LITAF: variants seen among roughly 807,000 people sequenced by gnomAD.
LITAF encodes the protein lipopolysaccharide induced TNF factor.
A neutral mutation model predicts 14.5 loss-of-function variants in LITAF; 9 were observed. The ratio of observed to expected loss-of-function variants is 0.62; its 90% CI spans 0.37 to 1.08. LITAF has a LOEUF of 1.08. Ranked by LOEUF, LITAF falls within the 50% of genes least tolerant of loss-of-function variation. The pLI, the probability that LITAF is intolerant of heterozygous loss-of-function variation, is 0.01. For synonymous variants in LITAF, 98 were observed against 88.2 expected (o/e 1.11, Z -0.62); for missense variants, 206 against 213.4 (o/e 0.97, Z 0.22).
intron 1 of LITAF, among the ~76,000 whole-genome samples, chr16:11,584,701 C>T (rs1242706988): frequency 1.3e-5 from 2 of 152,164 alleles, no homozygotes; most frequent in East Asian, 3.9e-4. Flanking sequence ...GTTACAAGGG[C>T]ATTAGCAAGC....
Position 11,632,283 on chromosome 16 carries a change from G to C in LITAF, c.85+1250C>G, listed in dbSNP as rs1030073184. On this transcript the variant is annotated intron_variant, in intron 3 of 3. Coordinates refer to the LITAF transcript ENST00000574848. This position sits in a 1 kb window ranked among gnomAD's most constrained non-coding sequence, Gnocchi z 4.8. The stretch of plus-strand genomic sequence containing the variant: ...TAACTACAGCTGCCGTGGGGAACAG[G>C]ATTAGGCAATCCGCTGGCCCCTCCC... Among the ~76,000 whole-genome samples, 9 of 152,128 alleles carry C rather than the reference G, an allele frequency of 5.9e-5. No homozygotes were observed. Among genetic ancestry groups the C allele is most frequent in the African/African-American group, 2.2e-4 (9 of 41,444 alleles).
chr16:11,563,159 T>A (rs2064398244), intron 1 of LITAF, among the ~76,000 whole-genome samples: 1 of 151,900 alleles, frequency 6.6e-6, no homozygotes. Context: ...ATAATAATTT[T>A]TTTTTTTGAG....
At chr16:11,566,018 T>C (rs1490370051) in intron 1 of LITAF, among the ~76,000 whole-genome samples, 1 of 152,132 alleles carries the variant, frequency 6.6e-6, no homozygotes, top group African/African-American at 2.4e-5. Context: ...ATGGGTACAC[T>C]GATAGTTTCT....
intron 1 of LITAF, among the ~76,000 whole-genome samples, chr16:11,572,932 C>CTTTTT (rs34208466): frequency 7.0e-6 from 1 of 143,222 alleles, no homozygotes; most frequent in Non-Finnish European, 1.5e-5. Context: ...ATCTCAAGCT[C>CTTTTT]TTTTTTTTTT....
At chr16:11,636,557 C>G (rs1431577194), upstream of LITAF, among the ~76,000 whole-genome samples, 1 of 152,194 alleles carries the variant, frequency 6.6e-6, no homozygotes, top group African/African-American at 2.4e-5. Flanking sequence ...CCACCCTAAT[C>G]TTTTATTATG....
In LITAF at chr16:11,559,665, A is replaced by G. The variant is rs548683868; in HGVS notation, c.-5-2930T>C. On this transcript the variant is annotated intron_variant, in intron 1 of 3. Coordinates refer to ENST00000622633, the MANE Select transcript of LITAF (RefSeq NM_001136472.2). ...AGATATATGAAGTTAAGTAAAATGTATTGTTAATTTCACCTGTTTCTTTGT... is the reference window on the plus strand; with the variant it reads ...AGATATATGAAGTTAAGTAAAATGTGTTGTTAATTTCACCTGTTTCTTTGT... Among the ~76,000 whole-genome samples the G allele has an allele frequency of 1.1e-4, 17 of 151,872 alleles. 1 individual carries two copies. The South Asian group carries it at 3.5e-3, about 32-fold the overall frequency.
chr16:11,639,863 C>T (rs1054687201), upstream of LITAF, among the ~76,000 whole-genome samples: 1 of 152,112 alleles, frequency 6.6e-6, no homozygotes, highest in African/African-American at 2.4e-5. Context: ...GGGCCTCTGC[C>T]TCCTAAGCTC....
chr16:11,576,554 A>AAAAAAAAAC (rs1555469756), intron 1 of LITAF, among the ~76,000 whole-genome samples: 36 of 116,638 alleles, frequency 3.1e-4, no homozygotes, highest in Non-Finnish European at 3.7e-4. Flanking sequence ...AAAAAAAAAA[A>AAAAAAAAAC]AGAGAGAGAG....
At chr16:11,606,840 T>G (rs1234280895) in intron 3 of LITAF, among the ~76,000 whole-genome samples, 3 of 152,170 alleles carry the variant, frequency 2.0e-5, no homozygotes, top group African/African-American at 7.2e-5. Context: ...GGTTTTGCCA[T>G]GTTGACCAGA....
chr16:11,617,619 G>C (rs932812756), intron 3 of LITAF, among the ~76,000 whole-genome samples: 8 of 151,496 alleles, frequency 5.3e-5, no homozygotes, highest in Middle Eastern at 3.4e-3. Flanking sequence ...TAGAGACGGG[G>C]TTTCACCATA....
At chr16:11,631,668 G>A (rs2065118320) in intron 3 of LITAF, among the ~76,000 whole-genome samples, 1 of 152,148 alleles carries the variant, frequency 6.6e-6, no homozygotes, top group Non-Finnish European at 1.5e-5. Context: ...GGGATTACAG[G>A]CGTGAGCCAT....
chr16:11,608,600 G>A (rs921430908), intron 3 of LITAF, among the ~76,000 whole-genome samples: 1 of 152,330 alleles, frequency 6.6e-6, no homozygotes, highest in East Asian at 1.9e-4. Flanking sequence ...AAAGAATAAA[G>A]CACTGATACG....
At chr16:11,610,352 C>T (rs1399620597) in intron 3 of LITAF, among the ~76,000 whole-genome samples, 1 of 152,162 alleles carries the variant, frequency 6.6e-6, no homozygotes, top group Non-Finnish European at 1.5e-5. Context: ...AAAATTATGC[C>T]TAGGTTGGAG....
At chr16:11,573,010 C>A (rs1312303285) in intron 1 of LITAF, among the ~76,000 whole-genome samples, 2 of 150,948 alleles carry the variant, frequency 1.3e-5, no homozygotes, top group East Asian at 3.9e-4. Context: ...CTCACTGCAA[C>A]CTCCGCCTCC....
At chr16:11,639,527 G>T (rs34374316), upstream of LITAF, among the ~76,000 whole-genome samples, 53,553 of 151,624 alleles carry the variant, frequency 0.35, 11,183 homozygotes, top group African/African-American at 0.59. Context: ...ATGTTATCTG[G>T]GTGATGTATA....
At chr16:11,565,292 A>G (rs957270240) in intron 1 of LITAF, among the ~76,000 whole-genome samples, 2 of 151,954 alleles carry the variant, frequency 1.3e-5, no homozygotes, top group African/African-American at 2.4e-5. Flanking sequence ...CATGTTGACC[A>G]GGCTGGGCTC....
At chr16:11,609,531 A>G (rs890574766) in intron 3 of LITAF, among the ~76,000 whole-genome samples, 2 of 152,098 alleles carry the variant, frequency 1.3e-5, no homozygotes, top group Non-Finnish European at 2.9e-5. Flanking sequence ...TATGCTTTAA[A>G]TGGGTGAATT....
intron 3 of LITAF, among the ~76,000 whole-genome samples, chr16:11,610,261 A>G (rs137936809): frequency 6.6e-6 from 1 of 152,340 alleles, no homozygotes; most frequent in East Asian, 1.9e-4. Flanking sequence ...ATCCCTAAGA[A>G]AGAAATGTCT....
chr16:11,567,057 G>C (rs575458206), intron 1 of LITAF, among the ~76,000 whole-genome samples: 1 of 152,294 alleles, frequency 6.6e-6, no homozygotes, highest in East Asian at 1.9e-4. Context: ...GATTCCTGGG[G>C]GCAGTGTATT....
Sources: gnomAD v4.1 joint callset for allele counts (sites outside exome capture counted in the v4.1 genomes callset) on GRCh38, gnomAD v4.1.1 for gene constraint, Gnocchi (gnomAD v3.1) non-coding constraint, MANE v1.5 for transcripts, NCBI Gene and HGNC (gene_info 2026-07-23, HGNC 2026-07-21) for gene names.